AUTS2: variants seen among roughly 807,000 people sequenced by gnomAD.
AUTS2 encodes the protein activator of transcription and developmental regulator AUTS2.
Under a neutral mutation model 112.4 loss-of-function variants are expected in AUTS2, and 17 were observed. The ratio of observed to expected loss-of-function variants is 0.15; its 90% CI spans 0.10 to 0.23. The LOEUF is 0.23. AUTS2 is among the 10% of genes least tolerant of loss of function. The probability of loss-of-function intolerance (pLI) is 1.00; values close to 1 mark genes in which losing one functional copy is unlikely to be tolerated. For synonymous variants in AUTS2, 751 were observed against 702.7 expected (o/e 1.07, Z -1.09); for missense variants, 1,510 against 1,701.6 (o/e 0.89, Z 1.98).
At chr7:70,620,381 C>T (rs887039352) in intron 5 of AUTS2, among the ~76,000 whole-genome samples, 7 of 151,990 alleles carry the variant, frequency 4.6e-5, no homozygotes, top group Non-Finnish European at 8.8e-5. Flanking sequence ...AGCGTGTAGC[C>T]GTACCCTGGT....
At chr7:69,910,820 G>A (rs1432292039) in intron 2 of AUTS2, among the ~76,000 whole-genome samples, 15 of 152,012 alleles carry the variant, frequency 9.9e-5, no homozygotes. Context: ...TAGAGGCAGG[G>A]TTTCACTTTG....
chr7:70,723,195 A>G (rs1236957086), intron 6 of AUTS2, among the ~76,000 whole-genome samples: 1 of 152,168 alleles, frequency 6.6e-6, no homozygotes, highest in Non-Finnish European at 1.5e-5. Context: ...AAAGCTTCTT[A>G]GTTTACACAC....
chr7:70,625,047 T>C (rs1203191462), intron 5 of AUTS2, among the ~76,000 whole-genome samples: 1 of 152,140 alleles, frequency 6.6e-6, no homozygotes, highest in African/African-American at 2.4e-5. Context: ...TTGCCTCCTA[T>C]GTTCTTGGGA....
At chr7:69,632,028 G>A (rs1472849524) in intron 1 of AUTS2, among the ~76,000 whole-genome samples, 1 of 152,166 alleles carries the variant, frequency 6.6e-6, no homozygotes, top group Non-Finnish European at 1.5e-5. Flanking sequence ...TTTAGGATCT[G>A]GAGAGGGCAG....
intron 4 of AUTS2, among the ~76,000 whole-genome samples, chr7:70,358,749 A>T (rs369594197): frequency 3.2e-4 from 49 of 152,360 alleles, no homozygotes; most frequent in African/African-American, 1.1e-3. Flanking sequence ...GCCAAGAAGG[A>T]TCCCCTTATG....
At chr7:70,325,654 C>T (rs1015047327) in intron 4 of AUTS2, among the ~76,000 whole-genome samples, 1 of 152,166 alleles carries the variant, frequency 6.6e-6, no homozygotes, top group African/African-American at 2.4e-5. Context: ...CAACCCCACC[C>T]CCGATCAGAT....
intron 4 of AUTS2, among the ~76,000 whole-genome samples, chr7:70,391,125 G>T (rs1404141176): frequency 6.6e-6 from 1 of 152,164 alleles, no homozygotes; most frequent in Admixed American, 6.5e-5. Flanking sequence ...AATCTCTGGG[G>T]GTGAGGCCCT....
At chr7:69,962,774 G>T (rs1797483113) in intron 2 of AUTS2, among the ~76,000 whole-genome samples, 1 of 151,938 alleles carries the variant, frequency 6.6e-6, no homozygotes, top group Admixed American at 6.6e-5. Flanking sequence ...CTTGGGTAGG[G>T]ACTAGGAGGG....
chr7:70,460,046 A>AG (rs1385287335), intron 5 of AUTS2, among the ~76,000 whole-genome samples: 1 of 152,192 alleles, frequency 6.6e-6, no homozygotes, highest in African/African-American at 2.4e-5. Context: ...TCATCCCCAC[A>AG]GCCCCGGGAG....
chr7:70,147,213 A>G (rs1266308212), intron 4 of AUTS2, among the ~76,000 whole-genome samples: 1 of 151,940 alleles, frequency 6.6e-6, no homozygotes, highest in African/African-American at 2.4e-5. Flanking sequence ...CATCTAGGCA[A>G]TATCTCTTAA....
Position 70,785,298 on chromosome 7 carries a change from T to A in AUTS2, c.2224+279T>A, listed in dbSNP as rs144577131. On this transcript the variant is annotated intron_variant, in intron 16 of 18. Transcript: ENST00000342771. ...AGTGGGTGAGAGCCATTCCTTGGTA[T>A]CTCAGGGAATCCGAGTTTACAACAG... 1.8e-3 allele frequency: 1,094 copies of A among 606,178 alleles called. 5 individuals carry two copies. Among genetic ancestry groups the A allele is most frequent in the African/African-American group, 0.016 (900 of 55,482 alleles). 37.5% of individuals were successfully genotyped at this position (606,178 alleles called of 1,614,324 possible). A position where few individuals can be genotyped will look rare whatever the true frequency, so the allele number is the denominator to read the frequency against.
At chr7:69,752,371 G>A (rs771233456) in intron 1 of AUTS2, among the ~76,000 whole-genome samples, 27 of 152,290 alleles carry the variant, frequency 1.8e-4, no homozygotes, top group East Asian at 5.8e-4. Context: ...CAAGGCTGTC[G>A]CTTGCTGAGC....
At chr7:69,806,282 C>G (rs1175714506) in intron 1 of AUTS2, among the ~76,000 whole-genome samples, 1 of 132,460 alleles carries the variant, frequency 7.5e-6, no homozygotes, top group Non-Finnish European at 1.6e-5. Flanking sequence ...GAAGACAAAA[C>G]TCAATTTTTT....
At chr7:70,143,471 G>C (rs757835450) in intron 4 of AUTS2, among the ~76,000 whole-genome samples, 2 of 152,196 alleles carry the variant, frequency 1.3e-5, no homozygotes, top group Non-Finnish European at 2.9e-5. Flanking sequence ...CACAAGGATT[G>C]GCATTATAAA....
At chr7:69,799,040 G>A (rs967250080) in intron 1 of AUTS2, among the ~76,000 whole-genome samples, 7 of 150,960 alleles carry the variant, frequency 4.6e-5, no homozygotes, top group Non-Finnish European at 7.4e-5. Flanking sequence ...CCCTCAATAA[G>A]GCTAGAGAGA....
intron 5 of AUTS2, among the ~76,000 whole-genome samples, chr7:70,527,987 C>T (rs1421705841): frequency 1.3e-5 from 2 of 152,010 alleles, no homozygotes; most frequent in Admixed American, 6.6e-5. Flanking sequence ...TCCTAACACA[C>T]CTGCTTTAGC....
Position 69,764,667 on chromosome 7 carries a change from G to T in AUTS2, c.310-134619G>T, listed in dbSNP as rs76430520. Among the ~76,000 whole-genome samples, 440 of 152,256 alleles carry T rather than the reference G, an allele frequency of 2.9e-3. 5 individuals carry two copies. The highest frequency in any genetic ancestry group is 0.01 in the African/African-American group (426 of 41,538). On this transcript the variant is annotated intron_variant, in intron 1 of 18. Transcript: ENST00000342771. ...CTGTGTTTTTTAAGGTAGGAGCTTT[G>T]AGAAAAATGCAAAACTTGTATATTT...
chr7:70,430,334 A>G (rs917620453), intron 4 of AUTS2, among the ~76,000 whole-genome samples: 8 of 152,220 alleles, frequency 5.3e-5, no homozygotes, highest in African/African-American at 1.9e-4. Context: ...CTGCACTTCA[A>G]CAGGGGGCAC....
intron 1 of AUTS2, among the ~76,000 whole-genome samples, chr7:69,857,816 C>CAA (rs891544529): frequency 2.7e-4 from 30 of 110,594 alleles, no homozygotes; most frequent in Non-Finnish European, 2.5e-4. Context: ...GACTCCGTCT[C>CAA]AAAAAAAAAA....
Sources: allele counts gnomAD v4.1 joint callset (sites outside exome capture counted in the v4.1 genomes callset), GRCh38; gene constraint gnomAD v4.1.1; transcripts MANE v1.5; gene names NCBI Gene and HGNC (gene_info 2026-07-23, HGNC 2026-07-21).